The following TG variants were observed in gnomAD, a reference collection of about 807,000 sequenced individuals.
TG encodes thyroid hormones.
TG carries 270 observed loss-of-function variants against 324.7 expected under a neutral mutation model. The observed-to-expected ratio is 0.83, with a 90% CI of 0.75 to 0.92. TG has a LOEUF of 0.92. Ranked by LOEUF, TG falls within the 40% of genes least tolerant of loss-of-function variation. The pLI, the probability that TG is intolerant of heterozygous loss-of-function variation, is 0.00. For synonymous variants in TG, 1,401 were observed against 1,327.0 expected (o/e 1.06, Z -1.21); for missense variants, 3,591 against 3,456.4 (o/e 1.04, Z -0.98).
chr8:132,996,709 G>A (rs1220325706), intron 35 of TG, among the ~76,000 whole-genome samples: 1 of 152,180 alleles, frequency 6.6e-6, no homozygotes, highest in Non-Finnish European at 1.5e-5. Flanking sequence ...AGAAGAAGTA[G>A]GCATTTAGAG....
At chr8:132,871,251 G>A in intron 3 of TG, 97 bp from the exon 4 acceptor site, 1 of 1,322,888 alleles carries the variant, frequency 7.6e-7, no homozygotes, top group Non-Finnish European at 1.1e-6. Flanking sequence ...TCCCCTCTCA[G>A]CTGTGTCCCC....
chr8:132,907,139 C>G (rs939162710), intron 17 of TG, among the ~76,000 whole-genome samples: 1 of 152,184 alleles, frequency 6.6e-6, no homozygotes, highest in African/African-American at 2.4e-5. Context: ...CCATCTGCTC[C>G]TTGAGAGAAT....
At chr8:132,903,809 C>T (rs187957267) in intron 16 of TG, among the ~76,000 whole-genome samples, 2 of 152,252 alleles carry the variant, frequency 1.3e-5, no homozygotes, top group Admixed American at 6.5e-5. Flanking sequence ...TTGGGCTGGT[C>T]CCCTAACCTC....
At chr8:133,050,855 G>A (rs776482443) in intron 41 of TG, 38 of 1,613,178 alleles carry the variant, frequency 2.4e-5, no homozygotes, top group Middle Eastern at 1.6e-4. Flanking sequence ...GCGGAATATC[G>A]GGGGGCTGAT....
chr8:132,978,091 A>T (rs1830396022), intron 34 of TG, among the ~76,000 whole-genome samples: 1 of 152,252 alleles, frequency 6.6e-6, no homozygotes, highest in African/African-American at 2.4e-5. Flanking sequence ...AAAGAGGTTG[A>T]TTTGGCTCAT....
intron 41 of TG, among the ~76,000 whole-genome samples, chr8:133,079,966 T>C (rs2702974): frequency 0.49 from 74,795 of 151,450 alleles, 19,309 homozygotes; most frequent in African/African-American, 0.64. Context: ...CTGACCCACT[T>C]ATACAATAAT....
intron 27 of TG, among the ~76,000 whole-genome samples, chr8:132,951,523 T>A (rs978133431): frequency 2.0e-5 from 3 of 152,236 alleles, no homozygotes; most frequent in African/African-American, 7.2e-5. Flanking sequence ...GTGCTTGATA[T>A]GTGCCCAAGA....
chr8:132,872,739 C>T (rs1041274488), intron 4 of TG, among the ~76,000 whole-genome samples: 7 of 152,030 alleles, frequency 4.6e-5, no homozygotes, highest in South Asian at 2.1e-4. Flanking sequence ...TTTACTGTAC[C>T]GTTTCTATGC....
At chr8:132,930,639 C>T (rs1329225801) in intron 23 of TG, among the ~76,000 whole-genome samples, 7 of 150,348 alleles carry the variant, frequency 4.7e-5, no homozygotes, top group East Asian at 3.9e-4. Context: ...GAGCCGAGAT[C>T]GCTCCATTGC....
intron 34 of TG, among the ~76,000 whole-genome samples, chr8:132,977,727 A>G (rs928764661): frequency 1.5e-4 from 23 of 152,296 alleles, no homozygotes; most frequent in African/African-American, 5.5e-4. Flanking sequence ...ACCCACTCCC[A>G]TGATTCAATC....
intron 45 of TG, among the ~76,000 whole-genome samples, chr8:133,130,264 G>T (rs1003793529): frequency 2.0e-5 from 3 of 152,184 alleles, no homozygotes; most frequent in African/African-American, 7.2e-5. Flanking sequence ...TCCTCTGGAG[G>T]AAACAGTAGA....
intron 12 of TG, 84 bp from the exon 13 acceptor site, chr8:132,898,085 T>C: frequency 7.5e-7 from 1 of 1,339,950 alleles, no homozygotes. Flanking sequence ...CTGCTATGAG[T>C]GAAGAAGGAA....
intron 41 of TG, among the ~76,000 whole-genome samples, chr8:133,086,551 G>GA (rs200231373): frequency 1.3e-5 from 2 of 151,506 alleles, no homozygotes; most frequent in African/African-American, 4.9e-5. Flanking sequence ...TCTTTTTGAT[G>GA]AAAAAAAACT....
At chr8:133,044,033 G>A (rs1016133923) in intron 41 of TG, among the ~76,000 whole-genome samples, 1 of 152,144 alleles carries the variant, frequency 6.6e-6, no homozygotes, top group African/African-American at 2.4e-5. Flanking sequence ...GGATCCTCAC[G>A]GTGTCCTTGG....
At chr8:132,999,837 T>C (rs1439233653) in intron 35 of TG, among the ~76,000 whole-genome samples, 1 of 152,208 alleles carries the variant, frequency 6.6e-6, no homozygotes, top group African/African-American at 2.4e-5. Context: ...TCCTGAAGGC[T>C]TACATTGTCT....
chr8:132,958,455 C>T (rs1296082477), intron 27 of TG, among the ~76,000 whole-genome samples: 2 of 152,142 alleles, frequency 1.3e-5, no homozygotes, highest in African/African-American at 4.8e-5. Context: ...CACGGTGGCT[C>T]ACACCTGTAA....
chr8:133,052,771 G>T (rs1360737260), intron 41 of TG, among the ~76,000 whole-genome samples: 1 of 152,236 alleles, frequency 6.6e-6, no homozygotes, highest in Admixed American at 6.5e-5. Flanking sequence ...ACAGACCCCA[G>T]CAAGGTGCTG....
At position 133,096,147 on chromosome 8, in the gene TG, A is replaced by G. The variant is rs544614150; in HGVS notation, c.7405-59A>G. 189 of 1,596,558 alleles carry G rather than the reference A, an allele frequency of 1.2e-4. No homozygotes were observed. The African/African-American group carries it at 2.3e-3, about 19-fold the overall frequency. ...CATTCAGTATGGTTAAGACCTCTTT[A>G]TGCAAAGCAGTGCAACTGATTATTC... On this transcript the variant is annotated intron_variant, in intron 42 of 47. Coordinates refer to ENST00000220616, the MANE Select transcript of TG (RefSeq NM_003235.5).
At chr8:132,894,109 A>G (rs946547008) in intron 11 of TG, among the ~76,000 whole-genome samples, 180 bp downstream of exon 11, 2 of 152,138 alleles carry the variant, frequency 1.3e-5, no homozygotes, top group Admixed American at 1.3e-4. Context: ...TGCTGCACGC[A>G]TCTCTAAAAT....
Sources: gnomAD v4.1 joint callset for allele counts (sites outside exome capture counted in the v4.1 genomes callset) on GRCh38, gnomAD v4.1.1 for gene constraint, MANE v1.5 for transcripts, NCBI Gene and HGNC (gene_info 2026-07-23, HGNC 2026-07-21) for gene names.